The following ACYP2 variants were observed in gnomAD, a reference collection of about 807,000 sequenced individuals.
ACYP2 encodes acylphosphatase-2.
ACYP2 carries 12 observed loss-of-function variants against 11.2 expected under a neutral mutation model. The ratio of observed to expected loss-of-function variants is 1.08; its 90% confidence interval spans 0.69 to 1.74. The LOEUF (loss-of-function observed/expected upper bound fraction) is 1.74. ACYP2 is among the 40% of genes most tolerant of loss of function. The pLI, the probability that ACYP2 is intolerant of heterozygous loss-of-function variation, is 0.00. For synonymous variants in ACYP2, 43 were observed against 32.2 expected (o/e 1.33, Z -1.13); for missense variants, 134 against 101.9 (o/e 1.31, Z -1.35).
At chr2:54,246,922 G>T (rs1487112061) in intron 6 of ACYP2, among the ~76,000 whole-genome samples, 1 of 152,044 alleles carries the variant, frequency 6.6e-6, no homozygotes, top group Admixed American at 6.6e-5. Flanking sequence ...AAGCCCCAGG[G>T]CTATGTACCT....
chr2:54,236,093 A>T (rs1047917307), intron 6 of ACYP2, among the ~76,000 whole-genome samples: 1 of 151,200 alleles, frequency 6.6e-6, no homozygotes, highest in East Asian at 1.9e-4. Context: ...GATTTCTGGA[A>T]TTTTTTTTGT....
intron 6 of ACYP2, among the ~76,000 whole-genome samples, chr2:54,188,512 T>C (rs1684108019): frequency 6.6e-6 from 1 of 152,242 alleles, no homozygotes; most frequent in Non-Finnish European, 1.5e-5. Flanking sequence ...ATTAATATTA[T>C]ACACACAAAC....
At chr2:54,246,089 C>T (rs1411030633) in intron 6 of ACYP2, among the ~76,000 whole-genome samples, 2 of 152,068 alleles carry the variant, frequency 1.3e-5, no homozygotes, top group African/African-American at 2.4e-5. Flanking sequence ...TTTAGTTTTC[C>T]CAGCACCATT....
At chr2:54,255,419 T>C in intron 6 of ACYP2, 2 of 1,614,036 alleles carry the variant, frequency 1.2e-6, no homozygotes, top group Non-Finnish European at 1.7e-6. Context: ...ATATTGCGAA[T>C]GATGTCATTC....
chr2:54,129,986 A>G (rs1231738083), intron 4 of ACYP2, among the ~76,000 whole-genome samples: 1 of 151,390 alleles, frequency 6.6e-6, no homozygotes, highest in Admixed American at 6.6e-5. Flanking sequence ...ATAAATATTT[A>G]TCAGCTGGTT....
At chr2:53,979,806 A>G (rs943769632) in intron 2 of ACYP2, among the ~76,000 whole-genome samples, 1 of 151,596 alleles carries the variant, frequency 6.6e-6, no homozygotes, top group African/African-American at 2.4e-5. Flanking sequence ...GGATCCTCCC[A>G]CCTCAGCCTC....
intron 4 of ACYP2, among the ~76,000 whole-genome samples, chr2:54,059,814 G>A (rs565600657): frequency 1.3e-5 from 2 of 152,304 alleles, no homozygotes; most frequent in South Asian, 4.1e-4. Flanking sequence ...ACAGTTGTTT[G>A]TTACTTAAGG....
intron 6 of ACYP2, chr2:54,255,410 T>C (rs1383226033): frequency 1.9e-6 from 3 of 1,613,986 alleles, no homozygotes; most frequent in Non-Finnish European, 2.5e-6. Context: ...AAGCCCGGGA[T>C]ATTGCGAATG....
intron 4 of ACYP2, among the ~76,000 whole-genome samples, chr2:54,104,336 G>A (rs1679046383): frequency 6.6e-6 from 1 of 152,230 alleles, no homozygotes; most frequent in Non-Finnish European, 1.5e-5. Flanking sequence ...TGAGGAAGAA[G>A]TGGAAATTAT....
chr2:53,974,591 A>G (rs956859741), intron 2 of ACYP2, among the ~76,000 whole-genome samples: 1 of 152,212 alleles, frequency 6.6e-6, no homozygotes, highest in African/African-American at 2.4e-5. Flanking sequence ...GCTTGAATTT[A>G]CTATTATCTA....
chr2:54,136,426 C>T (rs1681240790), intron 5 of ACYP2, among the ~76,000 whole-genome samples: 1 of 152,030 alleles, frequency 6.6e-6, no homozygotes, highest in Non-Finnish European at 1.5e-5. Flanking sequence ...AGATTAGGTC[C>T]CTGGTTCCCA....
intron 6 of ACYP2, among the ~76,000 whole-genome samples, chr2:54,176,770 G>T (rs1364716803): frequency 1.3e-5 from 2 of 152,132 alleles, no homozygotes; most frequent in South Asian, 2.1e-4. Flanking sequence ...CTTGGCCTCA[G>T]GGGGGCAGCC....
At chr2:54,011,637 A>G (rs1328433513) in intron 2 of ACYP2, among the ~76,000 whole-genome samples, 1 of 152,204 alleles carries the variant, frequency 6.6e-6, no homozygotes, top group Non-Finnish European at 1.5e-5. Flanking sequence ...TGTGTCATTT[A>G]GCAATAAGCT....
At chr2:54,246,083 G>C (rs1489071993) in intron 6 of ACYP2, among the ~76,000 whole-genome samples, 2 of 152,052 alleles carry the variant, frequency 1.3e-5, no homozygotes, top group Non-Finnish European at 2.9e-5. Context: ...TGGCTATTTA[G>C]TTTTCCCAGC....
intron 6 of ACYP2, among the ~76,000 whole-genome samples, chr2:54,152,604 C>G (rs1395382576): frequency 1.3e-5 from 2 of 152,282 alleles, no homozygotes; most frequent in Admixed American, 1.3e-4. Flanking sequence ...TACTGTCTCC[C>G]TAGTTTTGCT....
chr2:54,196,810 C>A (rs1054835869), intron 6 of ACYP2, among the ~76,000 whole-genome samples: 6 of 152,224 alleles, frequency 3.9e-5, no homozygotes, highest in Non-Finnish European at 2.9e-5. Flanking sequence ...TAGAAGATAG[C>A]CCCACATTTA....
At chr2:54,232,683 G>T (rs1350460239) in intron 6 of ACYP2, among the ~76,000 whole-genome samples, 1 of 152,112 alleles carries the variant, frequency 6.6e-6, no homozygotes. Flanking sequence ...GGCTGGGGAG[G>T]CCTCAGGAAA....
At chr2:54,274,232 A>G (rs1304514690) in intron 6 of ACYP2, among the ~76,000 whole-genome samples, 1 of 152,132 alleles carries the variant, frequency 6.6e-6, no homozygotes, top group Admixed American at 6.5e-5. Context: ...CCTTATAATA[A>G]CCATCAGATC....
chr2:54,280,511 C>T (rs191469244), intron 6 of ACYP2, among the ~76,000 whole-genome samples: 1 of 151,970 alleles, frequency 6.6e-6, no homozygotes, highest in East Asian at 1.9e-4. Context: ...TAAGAGAACA[C>T]AAAATTAAGC....
Sources: gnomAD v4.1 joint callset for allele counts (sites outside exome capture counted in the v4.1 genomes callset) on GRCh38, gnomAD v4.1.1 for gene constraint, MANE v1.5 for transcripts, NCBI Gene and HGNC (gene_info 2026-07-23, HGNC 2026-07-21) for gene names.